ZNF594: variants seen among roughly 807,000 people sequenced by gnomAD.
The protein encoded by ZNF594 is zinc finger protein 594.
For missense variants in ZNF594, 1,037 were observed against 964.6 expected, an observed-to-expected ratio of 1.08 and a Z score of -0.99; for synonymous variants, 336 against 309.4, an observed-to-expected ratio of 1.09 and a Z score of -0.90.
In ZNF594 at chr17:5,182,195, C is replaced by A; in HGVS notation, c.2062G>T (p.Ala688Ser). 6.2e-7 allele frequency: 1 copy of A among 1,613,538 alleles called. No individual in the cohort carries two copies. The highest frequency in any genetic ancestry group is 1.1e-5 in the South Asian group (1 of 91,072). ...KPYQCSECGN[A>S]FRRRSLLIQH... ...ATAAGGAGGGAACGCCGCCTGAAGG[C>A]ATTCCCACATTCACTGCACTGATAG... Residue 688 changes from alanine (A) to serine (S), a missense_variant, in exon 2 of 2, where the codon GCC becomes TCC. Coordinates refer to ENST00000575779, the MANE Select transcript of ZNF594 (RefSeq NM_032530.2).
At position 5,180,062 on chromosome 17, in the gene ZNF594, A is replaced by C. The variant is rs1458563497; in HGVS notation, c.*1771T>G. 1 of 150,004 alleles carries C rather than the reference A, an allele frequency of 6.7e-6. No homozygotes were observed. The highest frequency in any genetic ancestry group is 2.5e-5 in the African/African-American group (1 of 40,744). The allele number at this position is 150,004 out of a possible 1,614,324, so 9.3% of individuals were successfully genotyped here. Reference sequence around the variant, plus strand: ...TTGTAAAGACAAGCAGAAGAGTTAGACTTTTTTTTTTTTTTGAGATGGAGT... The same window carrying C: ...TTGTAAAGACAAGCAGAAGAGTTAGCCTTTTTTTTTTTTTTGAGATGGAGT... On this transcript the variant is annotated 3_prime_UTR_variant, in exon 2 of 2. Coordinates refer to ENST00000575779, the MANE Select transcript of ZNF594 (RefSeq NM_032530.2).
downstream of ZNF594, among the ~76,000 whole-genome samples, chr17:5,178,865 A>G (rs775323417): frequency 2.0e-4 from 30 of 152,344 alleles, no homozygotes; most frequent in Non-Finnish European, 3.8e-4. Context: ...AACTATCTGC[A>G]CTAGAAATGA....
chr17:5,187,610 T>A (rs561657471), intron 1 of ZNF594, among the ~76,000 whole-genome samples: 1 of 152,338 alleles, frequency 6.6e-6, no homozygotes, highest in Admixed American at 6.5e-5. Context: ...GTTTGAAACC[T>A]GGCTCCACCA....
downstream of ZNF594, chr17:5,174,734 A>AT (rs532722901): frequency 2.8e-3 from 558 of 201,320 alleles, no homozygotes; most frequent in Non-Finnish European, 4.8e-3. Context: ...GTTGTAATTA[A>AT]TTTTTTTAAT....
chr17:5,182,664 G>C lies in ZNF594; in HGVS notation c.1593C>G (p.Phe531Leu). ...CAGTATGCAGGCTCTGATGTTTGAG[G>C]AAAGCTGTGCGCCAAATGAAGAGCT... The part of the protein sequence containing the change: ...CGKLFIWRTA[F>L]LKHQSLHTGE... Residue 531 changes from phenylalanine to leucine, a missense_variant, in exon 2 of 2, where the codon TTC becomes TTG. By Grantham distance (22) the Phe-to-Leu change is conservative. Transcript: ENST00000575779. 6.2e-7 allele frequency: 1 copy of C among 1,613,708 alleles called. No homozygotes were observed. Among genetic ancestry groups the C allele is most frequent in the South Asian group, 1.1e-5 (1 of 91,054 alleles).
intron 1 of ZNF594, among the ~76,000 whole-genome samples, chr17:5,187,340 C>T (rs1009335164): frequency 6.6e-6 from 1 of 152,178 alleles, no homozygotes; most frequent in Non-Finnish European, 1.5e-5. Context: ...GGGAACCACC[C>T]CCATGATTCA....
At chr17:5,185,517 CAT>C (rs1388407694) in intron 1 of ZNF594, among the ~76,000 whole-genome samples, 1 of 152,128 alleles carries the variant, frequency 6.6e-6, no homozygotes, top group Non-Finnish European at 1.5e-5. Flanking sequence ...AGAGCCAAAC[CAT>C]ATCATTCTGC....
intron 1 of ZNF594, among the ~76,000 whole-genome samples, chr17:5,186,719 T>G (rs925424084): frequency 2.2e-4 from 33 of 152,250 alleles, no homozygotes; most frequent in African/African-American, 7.7e-4. Context: ...CTTGAATGTT[T>G]TGCTGCTTAG....
At chr17:5,175,427 TCCC>T (rs903788856), downstream of ZNF594, among the ~76,000 whole-genome samples, 1 of 151,800 alleles carries the variant, frequency 6.6e-6, no homozygotes, top group Non-Finnish European at 1.5e-5. Context: ...CTGAAACCAT[TCCC>T]CCCATCCCCC....
Position 5,183,871 on chromosome 17 carries a change from CA to C in ZNF594, c.385del (p.Cys129ValfsTer14). On this transcript the variant is annotated frameshift_variant, in exon 2 of 2. Transcript: ENST00000575779. LOFTEE classifies it low-confidence loss of function (END_TRUNC). ...GTTGAAGGTTTTTTCACATTCCTTACATTCATAGGTCTTATTTATATTATGA... is the reference window on the plus strand; with the variant it reads ...GTTGAAGGTTTTTTCACATTCCTTACTTCATAGGTCTTATTTATATTATGA... ...KIHNINKTYE[C>X]KECEKTFNRS... 2 of 1,613,474 alleles carry C rather than the reference CA, an allele frequency of 1.2e-6. No individual in the cohort carries two copies. The highest frequency in any genetic ancestry group is 2.2e-5 in the South Asian group (2 of 90,904).
At chr17:5,191,282 C>A (rs963020894) in intron 1 of ZNF594, 2 of 152,244 alleles carry the variant, frequency 1.3e-5, no homozygotes, top group African/African-American at 4.8e-5. Context: ...AAATCCCTCC[C>A]TTGTTTGAAC....
At chr17:5,184,332 A>G in intron 1 of ZNF594, 56 bp from the exon 2 acceptor site, 2 of 1,495,746 alleles carry the variant, frequency 1.3e-6, no homozygotes, top group Non-Finnish European at 1.8e-6. Context: ...TCATCTCTTC[A>G]TTATACTGGG....
rs1189726484 is a variant in ZNF594 at position 5,191,847 on chromosome 17, G to A, written c.-120C>T. ...CGCCACCATCTTGGACCCCGCGCCT[G>A]GGCCAGGCGAGAACTTCCGGTGCGC... On this transcript the variant is annotated 5_prime_UTR_variant, in exon 1 of 2. Transcript: ENST00000575779. The A allele has an allele frequency of 2.6e-5, 4 of 152,094 alleles. No homozygotes were observed. Among genetic ancestry groups the A allele is most frequent in the African/African-American group, 4.8e-5 (2 of 41,406 alleles). 9.4% of individuals were successfully genotyped at this position (152,094 alleles called of 1,614,324 possible). A position where few individuals can be genotyped will look rare whatever the true frequency, so the allele number is the denominator to read the frequency against.
chr17:5,187,131 C>T (rs574531204), intron 1 of ZNF594, among the ~76,000 whole-genome samples: 3 of 152,266 alleles, frequency 2.0e-5, no homozygotes, highest in Non-Finnish European at 4.4e-5. Context: ...TGAAGACATA[C>T]CCGAGACTGG....
Position 5,183,874 on chromosome 17 carries a change from T to G in ZNF594, c.383A>C (p.Glu128Ala), listed in dbSNP as rs865799181. 3.1e-6 allele frequency: 5 copies of G among 1,613,372 alleles called. No individual in the cohort carries two copies. The highest frequency in any genetic ancestry group is 2.5e-6 in the Non-Finnish European group (3 of 1,179,876). Residue 128 changes from glutamate (E) to alanine (A), a missense_variant, in exon 2 of 2, where the codon GAA becomes GCA. Coordinates refer to ENST00000575779, the MANE Select transcript of ZNF594 (RefSeq NM_032530.2). ...QKIHNINKTYECKECEKTFNR... is the reference protein window; with the variant it reads ...QKIHNINKTYACKECEKTFNR... ...GAAGGTTTTTTCACATTCCTTACAT[T>G]CATAGGTCTTATTTATATTATGAAT...
downstream of ZNF594, among the ~76,000 whole-genome samples, chr17:5,176,581 G>C (rs999218241): frequency 1.3e-5 from 2 of 150,480 alleles, no homozygotes; most frequent in African/African-American, 4.9e-5. Context: ...CAGGGTCTCT[G>C]TTGCACAAGG....
rs372373936 is a variant in ZNF594 at position 5,182,523 on chromosome 17, C to G, written c.1734G>C (p.Gln578His). ...YWCNQCGRAF[Q>H]GSSDLIRHQV... Reference sequence around the variant, plus strand: ...GATGTCTGATGAGGTCTGAGCTGCCCTGGAAAGCCCTACCACACTGATTAC... The same window carrying G: ...GATGTCTGATGAGGTCTGAGCTGCCGTGGAAAGCCCTACCACACTGATTAC... Residue 578 changes from glutamine to histidine, a missense_variant, in exon 2 of 2, where the codon CAG becomes CAC. Physicochemically the swap from Gln to His is conservative, Grantham distance 24. Transcript: ENST00000575779. 9.9e-6 allele frequency: 16 copies of G among 1,613,878 alleles called. No individual in the cohort carries two copies. Among genetic ancestry groups the G allele is most frequent in the Non-Finnish European group, 1.3e-5 (15 of 1,180,012 alleles).
chr17:5,182,522 C>T lies in ZNF594; in HGVS notation c.1735G>A (p.Gly579Ser), dbSNP rs1371098846. ...WCNQCGRAFQGSSDLIRHQVT... is the reference protein window; with the variant it reads ...WCNQCGRAFQSSSDLIRHQVT... ...TGATGTCTGATGAGGTCTGAGCTGC[C>T]CTGGAAAGCCCTACCACACTGATTA... The change falls in exon 2 of 2, where the codon GGC becomes AGC. Residue 579 changes from glycine to serine, a missense_variant. Physicochemically the swap from Gly to Ser is moderately conservative, Grantham distance 56. Transcript: ENST00000575779. The T allele has an allele frequency of 6.8e-6, 11 of 1,613,906 alleles. No individual in the cohort carries two copies. Among genetic ancestry groups the T allele is most frequent in the Non-Finnish European group, 7.6e-6 (9 of 1,179,972 alleles).
chr17:5,181,587 C>A lies in ZNF594; in HGVS notation c.*246G>T. The A allele has an allele frequency of 6.2e-7, 1 of 1,612,600 alleles. No individual in the cohort carries two copies. The highest frequency in any genetic ancestry group is 8.5e-7 in the Non-Finnish European group (1 of 1,178,818). ...TTTCTCACCACTATGAATTCTCCGA[C>A]GTTGAATAAGGAGTGAACGCCGCCT... On this transcript the variant is annotated 3_prime_UTR_variant, in exon 2 of 2. Coordinates refer to ENST00000575779, the MANE Select transcript of ZNF594 (RefSeq NM_032530.2).
Sources: gnomAD v4.1 joint callset for allele counts (sites outside exome capture counted in the v4.1 genomes callset) on GRCh38, gnomAD v4.1.1 for gene constraint, MANE v1.5 for transcripts, NCBI Gene and HGNC (gene_info 2026-07-23, HGNC 2026-07-21) for gene names.